The following MAN2A1 variants were observed in gnomAD, a reference collection of about 807,000 sequenced individuals.
MAN2A1 encodes the protein alpha-mannosidase 2.
MAN2A1 carries 76 observed loss-of-function variants against 142.6 expected under a neutral mutation model. That is an observed-to-expected ratio of 0.53 (90% CI 0.44 to 0.65). The LOEUF (loss-of-function observed/expected upper bound fraction) is 0.65. MAN2A1 is among the 30% of genes least tolerant of loss of function. MAN2A1 has a pLI of 0.00. For synonymous variants in MAN2A1, 559 were observed against 473.2 expected, an observed-to-expected ratio of 1.18 and a Z score of -2.35; for missense variants, 1,311 against 1,365.1, an observed-to-expected ratio of 0.96 and a Z score of 0.62.
rs374150129 is a variant in MAN2A1, at chr5:109,738,734, C to G, written c.707+9221C>G. Among the ~76,000 whole-genome samples, 14 of 152,274 alleles carry G rather than the reference C, an allele frequency of 9.2e-5. 1 individual carries two copies. The highest frequency in any genetic ancestry group is 2.6e-4 in the Admixed American group (4 of 15,294). On this transcript the variant is annotated intron_variant, in intron 4 of 21. Transcript: ENST00000261483. ...ACAATGCCTGGCACATTTTAAAACC[C>G]CAATAAACATTAGTGCTTTTTTAAC...
chr5:109,705,062 G>A (rs896418749), intron 1 of MAN2A1, among the ~76,000 whole-genome samples: 2 of 152,080 alleles, frequency 1.3e-5, no homozygotes, highest in African/African-American at 4.8e-5. Context: ...TAACTGGCTT[G>A]TGGGCCTGTT....
chr5:109,823,814 G>C lies in MAN2A1; in HGVS notation c.2543G>C (p.Arg848Thr), dbSNP rs770708700. ...TGCTTTTTTGACCATGTTACTCATA[G>C]AGTCCGACTATACCACATACAGGGT... ...VTCFFDHVTH[R>T]VRLYHIQGIE... Residue 848 changes from arginine (R) to threonine (T), a missense_variant, in exon 16 of 22, where the codon AGA becomes ACA. Physicochemically the swap from Arg to Thr is moderately conservative, Grantham distance 71 (BLOSUM62 -1). Transcript: ENST00000261483. 2 of 1,591,642 alleles carry C rather than the reference G, an allele frequency of 1.3e-6. No homozygotes were observed. The highest frequency in any genetic ancestry group is 1.1e-5 in the South Asian group (1 of 87,990).
intron 15 of MAN2A1, among the ~76,000 whole-genome samples, chr5:109,823,150 C>A (rs1754672571): frequency 6.6e-6 from 1 of 152,134 alleles, no homozygotes; most frequent in Non-Finnish European, 1.5e-5. Flanking sequence ...TAAATAAAAA[C>A]TAAACTAGTG....
chr5:109,725,268 T>C (rs2112577823), intron 3 of MAN2A1, among the ~76,000 whole-genome samples: 1 of 152,332 alleles, frequency 6.6e-6, no homozygotes, highest in East Asian at 1.9e-4. Flanking sequence ...GTTGCTCTAG[T>C]TCCCCACTGG....
At chr5:109,738,828 A>G (rs1171218081) in intron 4 of MAN2A1, among the ~76,000 whole-genome samples, 2 of 151,948 alleles carry the variant, frequency 1.3e-5, no homozygotes, top group Non-Finnish European at 2.9e-5. Flanking sequence ...GTCTTCTATA[A>G]TGGGAGACTT....
chr5:109,794,843 G>T (rs889693072), intron 12 of MAN2A1, among the ~76,000 whole-genome samples: 2 of 151,884 alleles, frequency 1.3e-5, no homozygotes, highest in African/African-American at 4.8e-5. Flanking sequence ...GTATTTGTAT[G>T]TTTTCACCTA....
intron 8 of MAN2A1, among the ~76,000 whole-genome samples, chr5:109,778,091 A>AG (rs1427947285): frequency 6.6e-6 from 1 of 151,774 alleles, no homozygotes; most frequent in African/African-American, 2.4e-5. Context: ...ACCAAAAAAA[A>AG]AAAAATTGAA....
intron 12 of MAN2A1, among the ~76,000 whole-genome samples, chr5:109,816,250 C>CA (rs1754455228): frequency 6.6e-6 from 1 of 151,998 alleles, no homozygotes; most frequent in African/African-American, 2.4e-5. Flanking sequence ...CTAATAAAAC[C>CA]ATCATGTAAA....
intron 12 of MAN2A1, among the ~76,000 whole-genome samples, chr5:109,800,452 G>A (rs1753990963): frequency 6.6e-6 from 1 of 152,150 alleles, no homozygotes; most frequent in South Asian, 2.1e-4. Flanking sequence ...TTTGAGCTAG[G>A]AATTGCACTA....
chr5:109,820,148 A>G lies in MAN2A1; in HGVS notation c.2329-72A>G, dbSNP rs1207960995. 13 of 1,316,640 alleles carry G rather than the reference A, an allele frequency of 9.9e-6. No individual in the cohort carries two copies. In the East Asian group the frequency reaches 1.9e-4, roughly 19 times the overall value. 81.6% of individuals were successfully genotyped at this position (1,316,640 alleles called of 1,614,324 possible). A position where few individuals can be genotyped will look rare whatever the true frequency, so the allele number is the denominator to read the frequency against. ...AAATTATTTTTTTAAATTGTCATAT[A>G]CATAGAACCAGATGCAACATGCTTA... is the stretch of plus-strand genomic sequence containing the variant. On this transcript the variant is annotated intron_variant, in intron 14 of 21. Coordinates refer to ENST00000261483, the MANE Select transcript of MAN2A1 (RefSeq NM_002372.4).
Position 109,729,469 on chromosome 5 carries a change from G to C in MAN2A1, c.663G>C (p.Lys221Asn). The change falls in exon 4 of 22, where the codon AAG becomes AAC. Residue 221 changes from lysine to asparagine, a missense_variant. Around this residue, in one of 3 missense-constraint regions of MAN2A1, gnomAD observed 409 missense variants for 412.7 expected, o/e 0.99. Transcript: ENST00000261483. Reference sequence around the variant, plus strand: ...GGTCTGAGATCTCTTACCTTTCAAAGTGGTGGGATATTATAGATATTCAGA... The same window carrying C: ...GGTCTGAGATCTCTTACCTTTCAAACTGGTGGGATATTATAGATATTCAGA... ...FIWSEISYLS[K>N]WWDIIDIQKK... is the part of the protein sequence containing the mutation. 1 of 1,592,314 alleles carries C rather than the reference G, an allele frequency of 6.3e-7. No homozygotes were observed. The highest frequency in any genetic ancestry group is 1.1e-5 in the South Asian group (1 of 87,202).
At chr5:109,817,488 C>A in intron 13 of MAN2A1, 50 bp downstream of exon 13, 1 of 1,571,976 alleles carries the variant, frequency 6.4e-7, no homozygotes, top group Non-Finnish European at 8.7e-7. Context: ...CAAACCTAGC[C>A]AGTATATAAT....
At chr5:109,739,719 C>G (rs1408792811) in intron 4 of MAN2A1, among the ~76,000 whole-genome samples, 1 of 152,168 alleles carries the variant, frequency 6.6e-6, no homozygotes, top group Non-Finnish European at 1.5e-5. Context: ...TAACCATATA[C>G]TTTCAGTTTC....
intron 2 of MAN2A1, among the ~76,000 whole-genome samples, chr5:109,714,107 A>G (rs573180932): frequency 6.6e-6 from 1 of 152,170 alleles, no homozygotes; most frequent in East Asian, 1.9e-4. Context: ...CCTTTGGAGA[A>G]TACAAGAAAA....
intron 4 of MAN2A1, among the ~76,000 whole-genome samples, chr5:109,752,485 C>A (rs989105399): frequency 4.5e-4 from 68 of 152,304 alleles, no homozygotes; most frequent in African/African-American, 1.5e-3. Context: ...TCCATGCTCT[C>A]TTGGAGCTTA....
At chr5:109,707,825 C>T (rs1443590381) in intron 1 of MAN2A1, among the ~76,000 whole-genome samples, 1 of 152,008 alleles carries the variant, frequency 6.6e-6, no homozygotes, top group East Asian at 1.9e-4. Flanking sequence ...TTTGAGGGTG[C>T]CTAACTAGGT....
chr5:109,713,653 C>G lies in MAN2A1; in HGVS notation c.269C>G (p.Ser90Ter), dbSNP rs1390477272. 2 of 1,614,172 alleles carry G rather than the reference C, an allele frequency of 1.2e-6. No homozygotes were observed. Among genetic ancestry groups the G allele is most frequent in the Admixed American group, 1.7e-5 (1 of 60,024 alleles). The change falls in exon 2 of 22, where the codon TCA becomes TGA. Residue 90 changes from serine (S) to a stop codon, truncating the protein, a stop_gained. Transcript: ENST00000261483. LOFTEE classifies it high-confidence loss of function. ...SESVEDGPKSSQSNFSQGAGS... is the reference protein window; with the variant it reads ...SESVEDGPKS ...TCTGTGGAGGATGGTCCGAAAAGTT[C>G]ACAAAGCAATTTCAGCCAAGGTGCT... is the stretch of plus-strand genomic sequence containing the variant.
intron 3 of MAN2A1, among the ~76,000 whole-genome samples, chr5:109,717,335 AT>A (rs1278132484): frequency 6.6e-6 from 1 of 151,834 alleles, no homozygotes; most frequent in African/African-American, 2.4e-5. Flanking sequence ...TTAGTGAAGC[AT>A]TTTTTTTGTG....
chr5:109,846,751 G>A (rs542136980), intron 18 of MAN2A1, among the ~76,000 whole-genome samples: 2 of 152,212 alleles, frequency 1.3e-5, no homozygotes, highest in African/African-American at 2.4e-5. Flanking sequence ...TACATGAGGC[G>A]TATACATGCA....
Sources: allele counts gnomAD v4.1 joint callset (sites outside exome capture counted in the v4.1 genomes callset), GRCh38; gene constraint gnomAD v4.1.1; regional missense constraint gnomAD v4.1.1; transcripts MANE v1.5; gene names NCBI Gene and HGNC (gene_info 2026-07-23, HGNC 2026-07-21).